TRIM24: variants seen among roughly 807,000 people sequenced by gnomAD.
TRIM24 encodes transcription intermediary factor 1-alpha.
Under a neutral mutation model 123.9 loss-of-function variants are expected in TRIM24, and 29 were observed. The ratio of observed to expected loss-of-function variants is 0.23; its 90% CI spans 0.17 to 0.32. The LOEUF (loss-of-function observed/expected upper bound fraction) is 0.32, where lower values mean the gene tolerates loss of function less well. TRIM24 is among the 10% of genes least tolerant of loss of function. The probability of loss-of-function intolerance (pLI) is 1.00; values close to 1 mark genes in which losing one functional copy is unlikely to be tolerated. For synonymous variants in TRIM24, 456 were observed against 461.1 expected (o/e 0.99, Z 0.14); for missense variants, 932 against 1,295.3 (o/e 0.72, Z 4.31).
chr7:138,483,898 T>C (rs987139048), intron 1 of TRIM24, among the ~76,000 whole-genome samples: 1 of 152,126 alleles, frequency 6.6e-6, no homozygotes, highest in Non-Finnish European at 1.5e-5. Flanking sequence ...CCTGGTCGCT[T>C]TGATAAAGAG....
rs1798044625 is a variant in TRIM24 at position 138,587,804 on chromosome 7, G to C, written c.*2853G>C. ...CAAGCAACTGACTTTTCCTGTGTAA[G>C]GAAGCCCAAGTACTTGACCAGTGAT... On this transcript the variant is annotated 3_prime_UTR_variant, in exon 19 of 19. Transcript: ENST00000343526. The C allele has an allele frequency of 6.6e-6, 1 of 152,254 alleles. No homozygotes were observed. Among genetic ancestry groups the C allele is most frequent in the African/African-American group, 2.4e-5 (1 of 41,450 alleles). 9.4% of individuals were successfully genotyped at this position (152,254 alleles called of 1,614,324 possible).
chr7:138,584,842 T>G lies in TRIM24; in HGVS notation c.3044T>G (p.Phe1015Cys), dbSNP rs1312202040. Reference protein sequence around the residue: ...YPEKRFPKPEFRNESEDNKFS... With the variant: ...YPEKRFPKPECRNESEDNKFS... ...GAAAAAAGGTTTCCCAAACCAGAAT[T>G]CAGGAATGAATCAGAAGATAATAAA... Residue 1015 changes from phenylalanine to cysteine, a missense_variant, in exon 19 of 19, where the codon TTC (phenylalanine) becomes TGC (cysteine). By Grantham distance (205) the Phe-to-Cys change is radical (BLOSUM62 -2). Coordinates refer to ENST00000343526, the MANE Select transcript of TRIM24 (RefSeq NM_015905.3). The G allele has an allele frequency of 1.9e-6, 3 of 1,613,702 alleles. No individual in the cohort carries two copies. Among genetic ancestry groups the G allele is most frequent in the Non-Finnish European group, 2.5e-6 (3 of 1,179,830 alleles).
intron 2 of TRIM24, among the ~76,000 whole-genome samples, chr7:138,508,692 T>TGTGTGTGTGTGCGCGCGCGCGCGCGC (rs1422176564): frequency 7.3e-6 from 1 of 137,214 alleles, no homozygotes; most frequent in African/African-American, 2.8e-5. Flanking sequence ...TGTGTGTGTG[T>TGTGTGTGTGTGCGCGCGCGCGCGCGC]GCGCGCGCGT....
At chr7:138,485,008 G>T (rs559009892) in intron 1 of TRIM24, among the ~76,000 whole-genome samples, 2 of 151,846 alleles carry the variant, frequency 1.3e-5, no homozygotes, top group Non-Finnish European at 2.9e-5. Flanking sequence ...CTTTCTCTGT[G>T]TCATCTAACG....
intron 1 of TRIM24, among the ~76,000 whole-genome samples, chr7:138,472,362 T>G (rs1220425815): frequency 6.6e-6 from 1 of 151,788 alleles, no homozygotes; most frequent in East Asian, 1.9e-4. Context: ...GGGTAGAGAT[T>G]GGTGACTTTG....
intron 12 of TRIM24, 38 bp downstream of exon 12, chr7:138,573,680 C>G: frequency 6.3e-7 from 1 of 1,577,752 alleles, no homozygotes; most frequent in South Asian, 1.2e-5. Flanking sequence ...GAAAGTTTTT[C>G]TAGTTTTCAC....
At chr7:138,493,307 C>T (rs1795835572) in intron 1 of TRIM24, among the ~76,000 whole-genome samples, 1 of 152,056 alleles carries the variant, frequency 6.6e-6, no homozygotes. Flanking sequence ...ATTTATAATT[C>T]GTTTGTTGAG....
At chr7:138,577,285 T>G (rs1489683138) in intron 13 of TRIM24, 135 bp from the exon 14 acceptor site, 3 of 585,234 alleles carry the variant, frequency 5.1e-6, no homozygotes, top group African/African-American at 1.9e-5. Context: ...TCATTTGTTA[T>G]GCATCATTAA....
At chr7:138,491,623 G>A (rs915611570) in intron 1 of TRIM24, among the ~76,000 whole-genome samples, 6 of 152,080 alleles carry the variant, frequency 3.9e-5, no homozygotes, top group African/African-American at 1.2e-4. Context: ...TAGCTCTTAC[G>A]AATAATACTG....
chr7:138,585,326 G>C lies in TRIM24; in HGVS notation c.*375G>C. 4.2e-6 allele frequency: 1 copy of C among 238,896 alleles called. No homozygotes were observed. Among genetic ancestry groups the C allele is most frequent in the South Asian group, 1.3e-4 (1 of 7,812 alleles). 14.8% of individuals were successfully genotyped at this position (238,896 alleles called of 1,614,324 possible). On this transcript the variant is annotated 3_prime_UTR_variant, in exon 19 of 19. Transcript: ENST00000343526. The stretch of plus-strand genomic sequence containing the variant: ...TTGTATGAACTCTTTAAGTTGAAAA[G>C]TAAAAAATATATGTGGTTTGGATGT...
Position 138,490,694 on chromosome 7 carries a change from C to T in TRIM24, c.365-13596C>T, listed in dbSNP as rs1244197901. The T allele has an allele frequency of 7.0e-6, 3 of 426,580 alleles. No homozygotes were observed. In the East Asian group the frequency reaches 1.8e-4, roughly 26 times the overall value. 26.4% of individuals were successfully genotyped at this position (426,580 alleles called of 1,614,324 possible). On this transcript the variant is annotated intron_variant, in intron 1 of 18. Coordinates refer to ENST00000343526, the MANE Select transcript of TRIM24 (RefSeq NM_015905.3). ...CACTGTGAAGCTCCATGAGTTTTTCCAGTTCAAACCTGGGCTTCTTCAGCA... is the reference window on the plus strand; with the variant it reads ...CACTGTGAAGCTCCATGAGTTTTTCTAGTTCAAACCTGGGCTTCTTCAGCA...
At chr7:138,505,232 A>G (rs560890805) in intron 2 of TRIM24, among the ~76,000 whole-genome samples, 1 of 152,300 alleles carries the variant, frequency 6.6e-6, no homozygotes, top group South Asian at 2.1e-4. Flanking sequence ...ACAGTCCAGA[A>G]GCTCTTGATT....
intron 13 of TRIM24, 36 bp downstream of exon 13, chr7:138,576,481 A>G: frequency 6.3e-7 from 1 of 1,582,894 alleles, no homozygotes; most frequent in Non-Finnish European, 8.7e-7. Flanking sequence ...AGTATATAAA[A>G]ATCTCTAATT....
chr7:138,481,882 C>T (rs1371956998), intron 1 of TRIM24, among the ~76,000 whole-genome samples: 2 of 152,144 alleles, frequency 1.3e-5, no homozygotes, highest in South Asian at 2.1e-4. Context: ...TTTGGGTTTT[C>T]GTTTCATCTG....
At chr7:138,475,790 G>A (rs10254196) in intron 1 of TRIM24, among the ~76,000 whole-genome samples, 1,993 of 152,330 alleles carry the variant, frequency 0.013, 36 homozygotes, top group African/African-American at 0.045. Flanking sequence ...AATTACAGGC[G>A]TGAGCCACTG....
intron 14 of TRIM24, among the ~76,000 whole-genome samples, chr7:138,578,151 G>C (rs1797804254): frequency 6.6e-6 from 1 of 151,992 alleles, no homozygotes; most frequent in Non-Finnish European, 1.5e-5. Context: ...GAATAACATA[G>C]AAATAGGTAC....
chr7:138,489,488 G>C (rs1437869467), intron 1 of TRIM24, among the ~76,000 whole-genome samples: 1 of 152,180 alleles, frequency 6.6e-6, no homozygotes, highest in East Asian at 1.9e-4. Context: ...GCTGGTCTCA[G>C]TTGTTCCTTT....
intron 9 of TRIM24, among the ~76,000 whole-genome samples, chr7:138,557,233 G>A (rs1261991092): frequency 2.6e-5 from 4 of 152,180 alleles, no homozygotes; most frequent in Non-Finnish European, 5.9e-5. Flanking sequence ...TGCTGGCCTT[G>A]GAGTGAGTCA....
intron 1 of TRIM24, among the ~76,000 whole-genome samples, chr7:138,474,559 T>C (rs1238921647): frequency 6.6e-6 from 1 of 152,258 alleles, no homozygotes; most frequent in African/African-American, 2.4e-5. Context: ...TATTTTATCC[T>C]GTTTTCTTCT....
Sources: gnomAD v4.1 joint callset for allele counts (sites outside exome capture counted in the v4.1 genomes callset) on GRCh38, gnomAD v4.1.1 for gene constraint, MANE v1.5 for transcripts, NCBI Gene and HGNC (gene_info 2026-07-23, HGNC 2026-07-21) for gene names.